The following TSG101 variants were observed in gnomAD, a reference collection of about 807,000 sequenced individuals.
The protein encoded by TSG101 is tumor susceptibility 101.
TSG101 carries 19 observed loss-of-function variants against 48.5 expected under a neutral mutation model. That is an observed-to-expected ratio of 0.39 (90% CI 0.27 to 0.58). The LOEUF (loss-of-function observed/expected upper bound fraction) is 0.58. Among genes scored for constraint, TSG101 ranks in the 20% least tolerant of loss-of-function variants. The pLI is 0.55. For missense variants in TSG101, 365 were observed against 484.4 expected (o/e 0.75, Z 2.31); for synonymous variants, 174 against 169.4 (o/e 1.03, Z -0.21).
chr11:18,486,272 G>A (rs1384576341), intron 7 of TSG101, among the ~76,000 whole-genome samples: 3 of 152,248 alleles, frequency 2.0e-5, no homozygotes, highest in African/African-American at 7.2e-5. Flanking sequence ...GCCCAAGTGG[G>A]CCGAATGGGA....
At chr11:18,520,464 A>T (rs1042971147) in intron 1 of TSG101, among the ~76,000 whole-genome samples, 1 of 152,106 alleles carries the variant, frequency 6.6e-6, no homozygotes, top group Non-Finnish European at 1.5e-5. Flanking sequence ...ACCTCAAGCA[A>T]TCCTCCTGCC....
At position 18,482,034 on chromosome 11, in the gene TSG101, G is replaced by T. The variant is rs142763573; in HGVS notation, c.844-165C>A. Among the ~76,000 whole-genome samples the T allele has an allele frequency of 1.8e-3, 277 of 152,340 alleles. 1 individual carries two copies. The highest frequency in any genetic ancestry group is 3.3e-3 in the Non-Finnish European group (225 of 68,034). On this transcript the variant is annotated intron_variant, in intron 8 of 9. Coordinates refer to ENST00000251968, the MANE Select transcript of TSG101 (RefSeq NM_006292.4). ...CCTGGTCAAAGGTAGAGGAAAAGAT[G>T]TGATCTACTATGCTGAGTGAAATAG...
At chr11:18,506,740 A>C in intron 6 of TSG101, 117 bp downstream of exon 6, 3 of 737,374 alleles carry the variant, frequency 4.1e-6, no homozygotes, top group Non-Finnish European at 6.3e-6. Flanking sequence ...ACCAAGTTTT[A>C]TCTTCCACTA....
intron 3 of TSG101, 61 bp from the exon 4 acceptor site, chr11:18,514,902 T>G: frequency 7.0e-7 from 1 of 1,431,140 alleles, no homozygotes; most frequent in Non-Finnish European, 9.3e-7. Context: ...TGAAGAATGG[T>G]TAAAGGAACA....
chr11:18,506,995 T>A, intron 5 of TSG101, 72 bp from the exon 6 acceptor site: 1 of 1,244,040 alleles, frequency 8.0e-7, no homozygotes, highest in Non-Finnish European at 1.2e-6. Flanking sequence ...GAATAAGATA[T>A]ACATCACACT....
At chr11:18,525,903 T>C (rs1002719895) in intron 1 of TSG101, among the ~76,000 whole-genome samples, 5 of 152,234 alleles carry the variant, frequency 3.3e-5, no homozygotes, top group Non-Finnish European at 5.9e-5. Context: ...TTATTAAAAA[T>C]TGAAACCGCT....
intron 2 of TSG101, among the ~76,000 whole-genome samples, chr11:18,517,498 T>G (rs1465521628): frequency 6.6e-6 from 1 of 152,196 alleles, no homozygotes; most frequent in Non-Finnish European, 1.5e-5. Flanking sequence ...CATAGAACTA[T>G]AGCCATCTAC....
intron 9 of TSG101, 46 bp downstream of exon 9, chr11:18,481,584 C>G (rs757495838): frequency 3.1e-6 from 5 of 1,592,504 alleles, no homozygotes; most frequent in Non-Finnish European, 4.3e-6. Context: ...GTCAGTGCCT[C>G]TACAACCCAA....
chr11:18,492,991 CT>C (rs1849721064), intron 7 of TSG101, among the ~76,000 whole-genome samples: 2 of 152,162 alleles, frequency 1.3e-5, no homozygotes, highest in Admixed American at 1.3e-4. Context: ...TCTCAAACAT[CT>C]TAGAAGAAAT....
chr11:18,497,450 T>A (rs1436852954), intron 7 of TSG101, among the ~76,000 whole-genome samples: 2 of 152,224 alleles, frequency 1.3e-5, no homozygotes, highest in African/African-American at 4.8e-5. Flanking sequence ...ATTAGTTGAT[T>A]TGATTACCCG....
intron 7 of TSG101, among the ~76,000 whole-genome samples, chr11:18,489,650 G>A (rs16914838): frequency 0.16 from 24,820 of 152,084 alleles, 2,639 homozygotes; most frequent in East Asian, 0.41. Flanking sequence ...TTCAGGATTC[G>A]AGTTTCTTCA....
At chr11:18,485,343 T>C (rs564641185) in intron 7 of TSG101, among the ~76,000 whole-genome samples, 1 of 152,326 alleles carries the variant, frequency 6.6e-6, no homozygotes, top group Non-Finnish European at 1.5e-5. Flanking sequence ...TGCTCTCTCT[T>C]AACAGTTATC....
intron 5 of TSG101, chr11:18,507,869 A>G (rs56333121): frequency 0.37 from 55,786 of 151,862 alleles, 10,790 homozygotes; most frequent in East Asian, 0.66. Context: ...AGGCCGAGGC[A>G]GATCACTTGA....
intron 7 of TSG101, among the ~76,000 whole-genome samples, chr11:18,495,666 GT>G (rs35958204): frequency 0.25 from 34,534 of 135,720 alleles, 4,028 homozygotes; most frequent in East Asian, 0.44. Context: ...TACCAGTTAG[GT>G]TTTTTTTTTT....
At chr11:18,519,457 A>G in intron 2 of TSG101, 62 bp downstream of exon 2, 2 of 1,348,992 alleles carry the variant, frequency 1.5e-6, no homozygotes, top group South Asian at 2.5e-5. Flanking sequence ...AAAAATTACA[A>G]TCATTAACAA....
chr11:18,524,258 A>G (rs945687840), intron 1 of TSG101, among the ~76,000 whole-genome samples: 2 of 152,274 alleles, frequency 1.3e-5, no homozygotes, highest in Admixed American at 6.5e-5. Context: ...AATTGCAAAA[A>G]TAACAGAGAA....
At chr11:18,496,162 C>T (rs1012290494) in intron 7 of TSG101, among the ~76,000 whole-genome samples, 4 of 152,068 alleles carry the variant, frequency 2.6e-5, no homozygotes, top group African/African-American at 9.7e-5. Flanking sequence ...ATTCAGATTA[C>T]ACCATAAAAT....
At chr11:18,522,725 C>A (rs1000713480) in intron 1 of TSG101, among the ~76,000 whole-genome samples, 6 of 152,222 alleles carry the variant, frequency 3.9e-5, no homozygotes, top group African/African-American at 1.2e-4. Flanking sequence ...ACCTCCCATA[C>A]CATTGATGCT....
intron 4 of TSG101, among the ~76,000 whole-genome samples, chr11:18,510,240 G>C (rs1850055898): frequency 6.6e-6 from 1 of 151,288 alleles, no homozygotes; most frequent in Admixed American, 6.6e-5. Context: ...GGCCAACATG[G>C]CAAAATCCCA....
Sources: gnomAD v4.1 joint callset for allele counts (sites outside exome capture counted in the v4.1 genomes callset) on GRCh38, gnomAD v4.1.1 for gene constraint, MANE v1.5 for transcripts, NCBI Gene and HGNC (gene_info 2026-07-23, HGNC 2026-07-21) for gene names.